The following SLC2A13 variants were observed in gnomAD, a reference collection of about 807,000 sequenced individuals.
The protein encoded by SLC2A13 is proton myo-inositol cotransporter.
SLC2A13 carries 32 observed loss-of-function variants against 64.4 expected under a neutral mutation model. The observed-to-expected ratio is 0.50, with a 90% CI of 0.37 to 0.67. SLC2A13 has a LOEUF of 0.67. Among genes scored for constraint, SLC2A13 ranks in the 30% least tolerant of loss-of-function variants. The probability of loss-of-function intolerance (pLI) is 0.00; values close to 1 mark genes in which losing one functional copy is unlikely to be tolerated. For synonymous variants in SLC2A13, 338 were observed against 327.1 expected (o/e 1.03, Z -0.36); for missense variants, 743 against 829.2 (o/e 0.90, Z 1.28).
intron 4 of SLC2A13, among the ~76,000 whole-genome samples, chr12:39,883,221 T>A (rs1014006792): frequency 2.6e-5 from 4 of 152,112 alleles, no homozygotes; most frequent in East Asian, 1.9e-4. Context: ...AAATTTTTTT[T>A]AAAAAAGTCC....
intron 3 of SLC2A13, among the ~76,000 whole-genome samples, chr12:39,953,167 C>T (rs1302454743): frequency 1.3e-5 from 2 of 152,006 alleles, no homozygotes; most frequent in African/African-American, 2.4e-5. Flanking sequence ...TTTTGGAGAA[C>T]AGAAATACAG....
At chr12:40,067,389 G>A (rs931560790) in intron 1 of SLC2A13, among the ~76,000 whole-genome samples, 2 of 151,788 alleles carry the variant, frequency 1.3e-5, no homozygotes, top group African/African-American at 4.8e-5. Context: ...TTTTATTTTG[G>A]TAGAAATGGG....
intron 2 of SLC2A13, among the ~76,000 whole-genome samples, chr12:40,045,708 C>T (rs1479493938): frequency 6.6e-6 from 1 of 152,036 alleles, no homozygotes; most frequent in East Asian, 1.9e-4. Flanking sequence ...TTCCCATACT[C>T]TTATTTTATT....
chr12:39,879,308 G>C (rs1251413280), intron 4 of SLC2A13, among the ~76,000 whole-genome samples: 1 of 152,204 alleles, frequency 6.6e-6, no homozygotes, highest in African/African-American at 2.4e-5. Flanking sequence ...GGAGCTGTGA[G>C]AAATGGGCCA....
intron 1 of SLC2A13, among the ~76,000 whole-genome samples, chr12:40,081,352 T>C (rs750855635): frequency 5.9e-5 from 9 of 152,232 alleles, no homozygotes; most frequent in Admixed American, 1.3e-4. Flanking sequence ...GTAGGTTTGG[T>C]CTCTTCACAT....
At chr12:39,788,616 T>C (rs1941272586) in intron 7 of SLC2A13, 1 of 152,140 alleles carries the variant, frequency 6.6e-6, no homozygotes, top group Non-Finnish European at 1.5e-5. Context: ...CGAGAAACCA[T>C]GGATAAGGGA....
chr12:39,808,865 G>A (rs1012508633), intron 7 of SLC2A13, among the ~76,000 whole-genome samples: 4 of 151,812 alleles, frequency 2.6e-5, no homozygotes. Flanking sequence ...CTGTGGCTTG[G>A]GCTTTGTATT....
chr12:40,093,946 C>T (rs997413202), intron 1 of SLC2A13, among the ~76,000 whole-genome samples: 2 of 151,966 alleles, frequency 1.3e-5, no homozygotes, highest in Non-Finnish European at 2.9e-5. Context: ...TTCTGGCTCT[C>T]ATGTGTATAA....
At chr12:39,929,495 G>A (rs1391622821) in intron 4 of SLC2A13, among the ~76,000 whole-genome samples, 1 of 151,626 alleles carries the variant, frequency 6.6e-6, no homozygotes, top group Non-Finnish European at 1.5e-5. Context: ...AGGTTGCAGT[G>A]AGCCGAGATC....
At chr12:40,099,416 G>A (rs2708448) in intron 1 of SLC2A13, among the ~76,000 whole-genome samples, 152,145 of 152,354 alleles carry the variant, frequency 1, 75,969 homozygotes, top group Middle Eastern at 1. Context: ...GGGTAAAGAT[G>A]GCAACGACTG....
At chr12:40,099,642 A>T (rs988742795) in intron 1 of SLC2A13, among the ~76,000 whole-genome samples, 2 of 152,224 alleles carry the variant, frequency 1.3e-5, no homozygotes, top group African/African-American at 2.4e-5. Flanking sequence ...TCTTACTGAC[A>T]ACTCACTTGA....
intron 4 of SLC2A13, among the ~76,000 whole-genome samples, chr12:39,934,819 G>C (rs1436552102): frequency 6.6e-6 from 1 of 152,124 alleles, no homozygotes; most frequent in Admixed American, 6.5e-5. Context: ...TGTCCAGTAA[G>C]AAATGATCTT....
chr12:40,072,732 C>G (rs1938011391), intron 1 of SLC2A13, among the ~76,000 whole-genome samples: 1 of 151,996 alleles, frequency 6.6e-6, no homozygotes, highest in South Asian at 2.1e-4. Context: ...ATATCTTTCC[C>G]ATGCTTTTAA....
Position 40,063,462 on chromosome 12 carries a change from T to TAAA in SLC2A13, c.557-15255_557-15253dup, listed in dbSNP as rs11420371. Among the ~76,000 whole-genome samples, 5 of 138,994 alleles carry TAAA rather than the reference T, an allele frequency of 3.6e-5. No homozygotes were observed. The East Asian group carries it at 8.1e-4, about 22-fold the overall frequency. The allele number at this position is 138,994 out of a possible 152,430, so 91.2% of individuals were successfully genotyped here. A position where few individuals can be genotyped will look rare whatever the true frequency, so the allele number is the denominator to read the frequency against. ...AGCATAATGCCTACATCTAAATTAGTAAAAAAAAAAAACTGAAGAAAAAAA... is the reference window on the plus strand; with the variant it reads ...AGCATAATGCCTACATCTAAATTAGTAAAAAAAAAAAAAAACTGAAGAAAAAAA... On this transcript the variant is annotated intron_variant, in intron 1 of 9. Coordinates refer to ENST00000280871, the MANE Select transcript of SLC2A13 (RefSeq NM_052885.4).
chr12:39,825,215 A>G (rs1942636597), intron 7 of SLC2A13, among the ~76,000 whole-genome samples: 1 of 152,164 alleles, frequency 6.6e-6, no homozygotes, highest in Non-Finnish European at 1.5e-5. Flanking sequence ...ACTATTTTAA[A>G]TAGTCAGGAG....
At chr12:39,932,916 A>G (rs1280629149) in intron 4 of SLC2A13, among the ~76,000 whole-genome samples, 3 of 152,134 alleles carry the variant, frequency 2.0e-5, no homozygotes, top group African/African-American at 4.8e-5. Flanking sequence ...ACAAGCAGGC[A>G]CAGTCTGTGG....
At chr12:39,776,767 T>C (rs1270759328) in intron 7 of SLC2A13, among the ~76,000 whole-genome samples, 1 of 152,164 alleles carries the variant, frequency 6.6e-6, no homozygotes, top group Non-Finnish European at 1.5e-5. Context: ...TATGCACCTA[T>C]ATTGTAAAAC....
intron 7 of SLC2A13, among the ~76,000 whole-genome samples, chr12:39,810,871 T>A (rs1942136949): frequency 1.3e-5 from 2 of 152,128 alleles, no homozygotes; most frequent in South Asian, 2.1e-4. Flanking sequence ...GATACTGCGA[T>A]GTTCATCTAT....
At chr12:40,015,032 C>G (rs543805119) in intron 3 of SLC2A13, among the ~76,000 whole-genome samples, 1 of 152,184 alleles carries the variant, frequency 6.6e-6, no homozygotes, top group Admixed American at 6.5e-5. Context: ...TATAATTTTA[C>G]AAGTAATGAA....
Sources: allele counts gnomAD v4.1 joint callset (sites outside exome capture counted in the v4.1 genomes callset), GRCh38; gene constraint gnomAD v4.1.1; transcripts MANE v1.5; gene names NCBI Gene and HGNC (gene_info 2026-07-23, HGNC 2026-07-21).